The following BLNK variants were observed in gnomAD, a reference collection of about 807,000 sequenced individuals.
BLNK encodes B cell linker, also known as B-cell linker protein.
A neutral mutation model predicts 73.5 loss-of-function variants in BLNK; 29 were observed. The observed-to-expected ratio is 0.39, with a 90% CI of 0.29 to 0.54. The LOEUF is 0.54. BLNK is among the 20% of genes least tolerant of loss of function. The probability of loss-of-function intolerance (pLI) is 0.61; values close to 1 mark genes in which losing one functional copy is unlikely to be tolerated. For synonymous variants in BLNK, 176 were observed against 200.8 expected (o/e 0.88, Z 1.04); for missense variants, 460 against 562.8 (o/e 0.82, Z 1.85).
intron 1 of BLNK, among the ~76,000 whole-genome samples, chr10:96,268,344 G>A (rs1554914763): frequency 6.6e-6 from 1 of 152,158 alleles, no homozygotes; most frequent in African/African-American, 2.4e-5. Flanking sequence ...TATGATCATA[G>A]GAATGTTTAC....
intron 5 of BLNK, among the ~76,000 whole-genome samples, chr10:96,224,919 A>G (rs2084283840): frequency 6.6e-6 from 1 of 152,004 alleles, no homozygotes; most frequent in African/African-American, 2.4e-5. Flanking sequence ...GCTGGTTTTG[A>G]ACTCCTGACC....
intron 3 of BLNK, among the ~76,000 whole-genome samples, chr10:96,232,390 C>T (rs10882751): frequency 0.72 from 109,531 of 151,584 alleles, 41,788 homozygotes; most frequent in Non-Finnish European, 0.85. Context: ...AGAACATTTT[C>T]TAGTTTTATT....
intron 8 of BLNK, among the ~76,000 whole-genome samples, chr10:96,210,863 G>A (rs1324744028): frequency 2.5e-5 from 3 of 121,950 alleles, no homozygotes; most frequent in Admixed American, 1.7e-4. Flanking sequence ...CCACAATTCC[G>A]TTTTTTTTTT....
intron 3 of BLNK, among the ~76,000 whole-genome samples, chr10:96,241,365 A>G (rs981462579): frequency 2.0e-5 from 3 of 152,246 alleles, no homozygotes; most frequent in Admixed American, 6.5e-5. Context: ...TTTTAAAACT[A>G]TCTTCCAACG....
chr10:96,240,983 G>A (rs1177103399), intron 3 of BLNK, among the ~76,000 whole-genome samples: 2 of 152,196 alleles, frequency 1.3e-5, no homozygotes, highest in Non-Finnish European at 2.9e-5. Flanking sequence ...CCAGAACAGG[G>A]TCCCTCTTTT....
At chr10:96,204,723 C>T (rs1554897034) in intron 11 of BLNK, 107 bp from the exon 12 acceptor site, 11 of 963,264 alleles carry the variant, frequency 1.1e-5, no homozygotes, top group African/African-American at 3.2e-5. Flanking sequence ...GAAGTCTTCC[C>T]GGGAACATGT....
In BLNK at chr10:96,192,091, T is replaced by C; in HGVS notation, c.1253A>G (p.Tyr418Cys). Reference protein sequence around the residue: ...ALGRKKNGEEYFGSVAEIIRN... With the variant: ...ALGRKKNGEECFGSVAEIIRN... ...GATGATTTCAGCAACACTTCCAAAG[T>C]ACTAGAGGAAGAAAACATAGATGAA... The change falls in exon 17 of 17, where the codon TAC becomes TGC. Residue 418 changes from tyrosine (Y) to cysteine (C), a missense_variant and splice_region_variant. By Grantham distance (194) the Tyr-to-Cys change is radical. This residue lies in a region of BLNK where 88 missense variants were observed against 143.4 expected (regional missense o/e 0.61). Coordinates refer to ENST00000224337, the MANE Select transcript of BLNK (RefSeq NM_013314.4). 1 of 1,613,610 alleles carries C rather than the reference T, an allele frequency of 6.2e-7. No individual in the cohort carries two copies. Among genetic ancestry groups the C allele is most frequent in the East Asian group, 2.2e-5 (1 of 44,806 alleles).
intron 6 of BLNK, among the ~76,000 whole-genome samples, chr10:96,221,489 T>A (rs2084195742): frequency 6.6e-6 from 1 of 152,206 alleles, no homozygotes; most frequent in Admixed American, 6.5e-5. Flanking sequence ...TTTCTTATAT[T>A]GGCTCTCTAT....
intron 1 of BLNK, among the ~76,000 whole-genome samples, chr10:96,251,150 C>T (rs909862859): frequency 1.3e-5 from 2 of 152,202 alleles, no homozygotes; most frequent in Non-Finnish European, 2.9e-5. Context: ...CTCTGTATCT[C>T]GTTCACACAA....
At chr10:96,242,927 T>C (rs1187242712) in intron 2 of BLNK, 143 bp from the exon 3 acceptor site, 1 of 782,716 alleles carries the variant, frequency 1.3e-6, no homozygotes, top group Non-Finnish European at 2.3e-6. Flanking sequence ...ACAGATTTGA[T>C]GTATTGTAAA....
Position 96,216,507 on chromosome 10 carries a change from C to G in BLNK, c.607+146G>C, listed in dbSNP as rs2084069132. 6.9e-6 allele frequency: 5 copies of G among 727,286 alleles called. No individual in the cohort carries two copies. The South Asian group carries it at 7.6e-5, about 11-fold the overall frequency. The allele number at this position is 727,286 out of a possible 1,614,324, so 45.1% of individuals were successfully genotyped here. A position where few individuals can be genotyped will look rare whatever the true frequency, so the allele number is the denominator to read the frequency against. On this transcript the variant is annotated intron_variant, in intron 7 of 16. Transcript: ENST00000224337. ...TTGTCACTGATGCTGTCTGCCCAAC[C>G]AGCCAAAGAAGCACACACTGTGGCC...
chr10:96,200,618 A>G lies in BLNK; in HGVS notation c.1011+364T>C, dbSNP rs936300952. 6.6e-6 allele frequency among the ~76,000 whole-genome samples: 1 copy of G among 152,380 alleles called. No homozygotes were observed. The highest frequency in any genetic ancestry group is 2.1e-4 in the South Asian group (1 of 4,830). The stretch of plus-strand genomic sequence containing the variant: ...CTTAGAAAGACTTGCCCAAGGGCAC[A>G]CAGAGTCCTTTCTCTGTCCCTTTAT... On this transcript the variant is annotated intron_variant, in intron 14 of 16. Coordinates refer to ENST00000224337, the MANE Select transcript of BLNK (RefSeq NM_013314.4). The surrounding 1 kb of genome is among the most constrained non-coding windows in gnomAD (Gnocchi z 4.3).
intron 10 of BLNK, 148 bp from the exon 11 acceptor site, chr10:96,207,201 C>A: frequency 1.3e-6 from 1 of 753,290 alleles, no homozygotes. Flanking sequence ...TACAAACCCA[C>A]AGTCCCTAGC....
intron 3 of BLNK, among the ~76,000 whole-genome samples, chr10:96,231,905 G>T (rs1842513836): frequency 6.6e-6 from 1 of 152,178 alleles, no homozygotes; most frequent in Non-Finnish European, 1.5e-5. Flanking sequence ...CTCGCTCCAG[G>T]GGCAGGAGGT....
chr10:96,264,653 A>G (rs939282498), intron 1 of BLNK, among the ~76,000 whole-genome samples: 20 of 152,326 alleles, frequency 1.3e-4, no homozygotes, highest in African/African-American at 3.8e-4. Context: ...AATGAAAAAG[A>G]TTGAACCCTT....
At chr10:96,203,798 TA>T (rs1564816381) in intron 13 of BLNK, 1 of 308,318 alleles carries the variant, frequency 3.2e-6, no homozygotes, top group Non-Finnish European at 6.0e-6. Context: ...AAAAAAAAGT[TA>T]AAAAAGGATG....
intron 11 of BLNK, among the ~76,000 whole-genome samples, chr10:96,206,183 C>T (rs1480248581): frequency 6.6e-6 from 1 of 152,072 alleles, no homozygotes; most frequent in Non-Finnish European, 1.5e-5. Context: ...AAGGAGAGTG[C>T]TTTATGTAGA....
Position 96,226,425 on chromosome 10 carries a change from T to C in BLNK, c.361+985A>G, listed in dbSNP as rs587645296. On this transcript the variant is annotated intron_variant, in intron 5 of 16. Transcript: ENST00000224337. ...GGAGGGGGTTAATGGCAGTGAGATATTACATGTAGAGCCGGTCCATACAAA... is the reference window on the plus strand; with the variant it reads ...GGAGGGGGTTAATGGCAGTGAGATACTACATGTAGAGCCGGTCCATACAAA... Among the ~76,000 whole-genome samples the C allele has an allele frequency of 2.0e-5, 3 of 152,252 alleles. No individual in the cohort carries two copies. The East Asian group carries it at 5.8e-4, about 29-fold the overall frequency.
rs2083610336 is a variant in BLNK at position 96,200,739 on chromosome 10, A to G, written c.1011+243T>C. Among the ~76,000 whole-genome samples the G allele has an allele frequency of 6.6e-6, 1 of 152,238 alleles. No homozygotes were observed. Among genetic ancestry groups the G allele is most frequent in the African/African-American group, 2.4e-5 (1 of 41,468 alleles). ...TTTAAATAAAATCTATGTGAGAGGA[A>G]GAATAATGAAAACACATTTCCTTGC... is the stretch of plus-strand genomic sequence containing the variant. On this transcript the variant is annotated intron_variant, in intron 14 of 16. Transcript: ENST00000224337. The surrounding 1 kb of genome is among the most constrained non-coding windows in gnomAD (Gnocchi z 4.3).
Sources: gnomAD v4.1 joint callset for allele counts (sites outside exome capture counted in the v4.1 genomes callset) on GRCh38, gnomAD v4.1.1 for gene constraint, gnomAD v4.1.1 regional missense constraint, Gnocchi (gnomAD v3.1) non-coding constraint, MANE v1.5 for transcripts, NCBI Gene and HGNC (gene_info 2026-07-23, HGNC 2026-07-21) for gene names.